PLXNA4: variants seen among roughly 807,000 people sequenced by gnomAD.
The protein encoded by PLXNA4 is plexin-A4.
Under a neutral mutation model 191.8 loss-of-function variants are expected in PLXNA4, and 44 were observed. That is an observed-to-expected ratio of 0.23 (90% confidence interval 0.18 to 0.29). PLXNA4 has a LOEUF of 0.29. Among genes scored for constraint, PLXNA4 ranks in the 10% least tolerant of loss-of-function variants. PLXNA4 has a pLI of 1.00. For missense variants in PLXNA4, 1,800 were observed against 2,488.8 expected (o/e 0.72, Z 5.89); for synonymous variants, 1,082 against 1,009.5 (o/e 1.07, Z -1.36).
intron 3 of PLXNA4, among the ~76,000 whole-genome samples, chr7:132,482,856 C>T (rs1410450311): frequency 3.9e-5 from 6 of 152,032 alleles, no homozygotes; most frequent in African/African-American, 1.4e-4. Context: ...TCATGCCCGG[C>T]TAATTTTTGT....
At chr7:132,530,028 C>T (rs1366171102) in intron 1 of PLXNA4, among the ~76,000 whole-genome samples, 1 of 152,124 alleles carries the variant, frequency 6.6e-6, no homozygotes, top group African/African-American at 2.4e-5. Flanking sequence ...GAAAGAAAGC[C>T]AGGGCCCTTG....
At chr7:132,537,705 G>A (rs1259165023) in intron 1 of PLXNA4, among the ~76,000 whole-genome samples, 1 of 152,216 alleles carries the variant, frequency 6.6e-6, no homozygotes, top group East Asian at 1.9e-4. Flanking sequence ...CAGGAAGAGA[G>A]AAGTGAAGCC....
chr7:132,640,252 T>A (rs1803712643), intron 2 of PLXNA4, among the ~76,000 whole-genome samples: 1 of 152,178 alleles, frequency 6.6e-6, no homozygotes, highest in South Asian at 2.1e-4. Context: ...GAAGACATGA[T>A]CAGCATAGAA....
At chr7:132,280,317 A>G (rs1174379835) in intron 4 of PLXNA4, among the ~76,000 whole-genome samples, 1 of 152,228 alleles carries the variant, frequency 6.6e-6, no homozygotes, top group Admixed American at 6.5e-5. Context: ...AACACAAAAA[A>G]TAGTGGAAGG....
chr7:132,390,738 T>C (rs77893292), intron 3 of PLXNA4, among the ~76,000 whole-genome samples: 260 of 152,208 alleles, frequency 1.7e-3, no homozygotes, highest in African/African-American at 6.1e-3. Context: ...TCCTTCTTGT[T>C]TCCTGAGACA....
chr7:132,501,147 T>C (rs1484739744), intron 2 of PLXNA4, among the ~76,000 whole-genome samples: 1 of 152,006 alleles, frequency 6.6e-6, no homozygotes, highest in East Asian at 1.9e-4. Flanking sequence ...GAGCAGAGTG[T>C]GTGGGGGTGA....
rs551359420 is a variant in PLXNA4, at chr7:132,468,380, T to A, written c.1371+20912A>T. 2.6e-5 allele frequency among the ~76,000 whole-genome samples: 4 copies of A among 152,308 alleles called. No individual in the cohort carries two copies. The South Asian group carries it at 8.3e-4, about 32-fold the overall frequency. On this transcript the variant is annotated intron_variant, in intron 3 of 31. Coordinates refer to ENST00000321063, the MANE Select transcript of PLXNA4 (RefSeq NM_020911.2). ...GTGCTTATACATATGCCGTATGTAT[T>A]CTATATCAATAATTTTTCCTAATAA...
At chr7:132,591,664 T>C (rs1243542651) in intron 2 of PLXNA4, among the ~76,000 whole-genome samples, 1 of 152,172 alleles carries the variant, frequency 6.6e-6, no homozygotes, top group Non-Finnish European at 1.5e-5. Context: ...AACACTTTCT[T>C]AAAAACATAA....
chr7:132,420,901 T>A (rs1323461260), intron 3 of PLXNA4, among the ~76,000 whole-genome samples: 1 of 152,156 alleles, frequency 6.6e-6, no homozygotes, highest in African/African-American at 2.4e-5. Context: ...TCACCTTCCT[T>A]CCACCATGAT....
At chr7:132,646,696 T>C (rs1803876300) in intron 1 of PLXNA4, among the ~76,000 whole-genome samples, 1 of 152,130 alleles carries the variant, frequency 6.6e-6, no homozygotes. Context: ...TTTAGGCCAC[T>C]CAGTCTGAGC....
At chr7:132,591,533 A>G (rs1384511136) in intron 2 of PLXNA4, among the ~76,000 whole-genome samples, 1 of 152,230 alleles carries the variant, frequency 6.6e-6, no homozygotes, top group African/African-American at 2.4e-5. Context: ...TTGTGCATAT[A>G]ATATACATAA....
At chr7:132,495,600 C>A (rs140697297) in intron 2 of PLXNA4, among the ~76,000 whole-genome samples, 251 of 152,286 alleles carry the variant, frequency 1.6e-3, no homozygotes, top group African/African-American at 5.8e-3. Context: ...TGGGCAACTC[C>A]TGTGGTCCAG....
chr7:132,167,466 T>A (rs1027700463), intron 22 of PLXNA4, among the ~76,000 whole-genome samples: 1 of 152,158 alleles, frequency 6.6e-6, no homozygotes, highest in African/African-American at 2.4e-5. Context: ...TAAACTGGGT[T>A]CCTCACTAAA....
chr7:132,646,965 A>G (rs1219966142), intron 1 of PLXNA4, among the ~76,000 whole-genome samples: 1 of 151,986 alleles, frequency 6.6e-6, no homozygotes, highest in East Asian at 1.9e-4. Flanking sequence ...GCTGTCATAC[A>G]CTCACAAATA....
chr7:132,542,569 GC>G (rs1800130175), intron 1 of PLXNA4, among the ~76,000 whole-genome samples: 1 of 151,970 alleles, frequency 6.6e-6, no homozygotes, highest in African/African-American at 2.4e-5. Context: ...AAAATTCATA[GC>G]CATTACCTCT....
intron 20 of PLXNA4, 135 bp downstream of exon 20, chr7:132,179,552 C>T: frequency 1.5e-6 from 2 of 1,322,538 alleles, no homozygotes; most frequent in Admixed American, 4.4e-5. Flanking sequence ...CACCGCCAGC[C>T]TCCAGCACTG....
intron 2 of PLXNA4, among the ~76,000 whole-genome samples, chr7:132,587,501 T>C (rs1271419754): frequency 6.6e-6 from 1 of 152,220 alleles, no homozygotes; most frequent in Non-Finnish European, 1.5e-5. Context: ...AGAGTTTGGA[T>C]TGAATGACTC....
intron 8 of PLXNA4, among the ~76,000 whole-genome samples, chr7:132,225,484 G>T (rs1398959272): frequency 6.6e-6 from 1 of 152,200 alleles, no homozygotes; most frequent in Non-Finnish European, 1.5e-5. Flanking sequence ...GGCACAGAAG[G>T]GTTGAGCTTC....
chr7:132,592,430 A>C (rs371261285), intron 2 of PLXNA4, among the ~76,000 whole-genome samples: 1 of 148,290 alleles, frequency 6.7e-6, no homozygotes, highest in East Asian at 2.0e-4. Flanking sequence ...CAAAGATAAA[A>C]CCTCCTTCAT....
Sources: gnomAD v4.1 joint callset for allele counts (sites outside exome capture counted in the v4.1 genomes callset) on GRCh38, gnomAD v4.1.1 for gene constraint, MANE v1.5 for transcripts, NCBI Gene and HGNC (gene_info 2026-07-23, HGNC 2026-07-21) for gene names.